The following AMN variants were observed in gnomAD, a reference collection of about 807,000 sequenced individuals.
AMN encodes amnion associated transmembrane protein, also known as protein amnionless.
A neutral mutation model predicts 49.1 loss-of-function variants in AMN; 40 were observed. The observed-to-expected ratio is 0.81, with a 90% CI of 0.63 to 1.06. The LOEUF (loss-of-function observed/expected upper bound fraction) is 1.06. Ranked by LOEUF, AMN falls within the 50% of genes least tolerant of loss-of-function variation. The pLI is 0.00. For synonymous variants in AMN, 380 were observed against 313.3 expected (o/e 1.21, Z -2.25); for missense variants, 701 against 662.8 (o/e 1.06, Z -0.63).
At chr14:102,923,606 C>G in intron 1 of AMN, 105 bp from the exon 2 acceptor site, 1 of 1,072,908 alleles carries the variant, frequency 9.3e-7, no homozygotes, top group South Asian at 1.3e-5. Flanking sequence ...CCTATGCGTC[C>G]CGGGTGATCC....
intron 4 of AMN, 88 bp from the exon 5 acceptor site, chr14:102,928,670 G>T: frequency 6.6e-7 from 1 of 1,524,664 alleles, no homozygotes; most frequent in Non-Finnish European, 8.8e-7. Flanking sequence ...GGCTTGGGAG[G>T]TCGTGCTCAG....
chr14:102,926,987 G>A (rs899072588), intron 3 of AMN, among the ~76,000 whole-genome samples: 1 of 152,094 alleles, frequency 6.6e-6, no homozygotes, highest in African/African-American at 2.4e-5. Flanking sequence ...GACCTCCCTG[G>A]GCGCAAACAA....
chr14:102,925,798 A>C (rs1355989240), intron 3 of AMN, among the ~76,000 whole-genome samples: 1 of 152,184 alleles, frequency 6.6e-6, no homozygotes, highest in Non-Finnish European at 1.5e-5. Context: ...CCAGGGTCCC[A>C]GCCTGCAGAG....
Position 102,930,433 on chromosome 14 carries a change from G to C in AMN, c.1197G>C (p.Pro399=), listed in dbSNP as rs1016598695. The C allele has an allele frequency of 5.9e-6, 9 of 1,523,046 alleles. No individual in the cohort carries two copies. In the African/African-American group the frequency reaches 1.1e-4, roughly 19 times the overall value. 94.3% of individuals were successfully genotyped at this position (1,523,046 alleles called of 1,614,324 possible). The change falls in exon 11 of 12, where the codon CCG becomes CCC. Residue 399 remains proline, a synonymous_variant. Transcript: ENST00000299155. ...LRWRRHEAAA[P]AGAPLGFRNP... is the part of the protein sequence containing the mutation. ...GGAGGAGGCACGAGGCGGCGGCCCC[G>C]GCTGGAGCGCCCCTCGGCTTCCGCA...
At chr14:102,929,360 C>A in intron 6 of AMN, 68 bp from the exon 7 acceptor site, 1 of 1,511,300 alleles carries the variant, frequency 6.6e-7, no homozygotes, top group South Asian at 1.2e-5. Flanking sequence ...GCTTGCTTCT[C>A]GGAGGCATCG....
At chr14:102,923,299 G>T in intron 1 of AMN, 1 of 300,922 alleles carries the variant, frequency 3.3e-6, no homozygotes, top group Non-Finnish European at 6.4e-6. Flanking sequence ...GCTCTTCCCG[G>T]CCCAGGTAGG....
At chr14:102,924,524 C>T (rs557533905) in intron 3 of AMN, among the ~76,000 whole-genome samples, 1 of 152,296 alleles carries the variant, frequency 6.6e-6, no homozygotes, top group Non-Finnish European at 1.5e-5. Context: ...CCTTAAGTGG[C>T]TGACATCTGA....
chr14:102,930,706 GGC>G lies in AMN; in HGVS notation c.*27_*28del, dbSNP rs1302947034. On this transcript the variant is annotated 3_prime_UTR_variant, in exon 12 of 12. Coordinates refer to ENST00000299155, the MANE Select transcript of AMN (RefSeq NM_030943.4). ...GCGGCCGCCTGACCGTCGACCTTGG[GGC>G]TCTCCACCCGCTCTGGCCCCAGTCG... The G allele has an allele frequency of 1.3e-6, 2 of 1,558,082 alleles. No homozygotes were observed. The highest frequency in any genetic ancestry group is 3.8e-5 in the Admixed American group (2 of 52,468).
rs2139310796 is a variant in AMN at position 102,929,483 on chromosome 14, A to T, written c.707A>T (p.Gln236Leu). Residue 236 changes from glutamine (Q) to leucine (L), a missense_variant, in exon 7 of 12, where the codon CAG (glutamine) becomes CTG (leucine). Coordinates refer to ENST00000299155, the MANE Select transcript of AMN (RefSeq NM_030943.4). The stretch of plus-strand genomic sequence containing the variant: ...CAGCCCCTGGGCGGCCGCTGCCCCC[A>T]GGCCGCCTGCCACAGCGCCCTCCGG... ...LLQPLGGRCP[Q>L]AACHSALRPQ... is the part of the protein sequence containing the mutation. 1 of 1,531,924 alleles carries T rather than the reference A, an allele frequency of 6.5e-7. No individual in the cohort carries two copies. The highest frequency in any genetic ancestry group is 8.7e-7 in the Non-Finnish European group (1 of 1,145,288). 94.9% of individuals were successfully genotyped at this position (1,531,924 alleles called of 1,614,324 possible).
At position 102,930,298 on chromosome 14, in the gene AMN, G is replaced by A; in HGVS notation, c.1140G>A (p.Pro380=). The stretch of plus-strand genomic sequence containing the variant: ...CGCTGCTGGTCCTGCTGGTGGCGCC[G>A]CCGCTGCTGCGCCGCGCGGGGAGGC... ...LLALLVLLVA[P]PLLRRAGRLR... Residue 380 remains proline, a synonymous_variant, in exon 10 of 12, where the codon CCG becomes CCA. Transcript: ENST00000299155. The A allele has an allele frequency of 4.4e-6, 6 of 1,368,876 alleles. No individual in the cohort carries two copies. In the African/African-American group the frequency reaches 6.1e-5, roughly 14 times the overall value. The allele number at this position is 1,368,876 out of a possible 1,614,324, so 84.8% of individuals were successfully genotyped here.
Position 102,928,976 on chromosome 14 carries a change from G to T in AMN, c.513+1G>T. On this transcript the variant is annotated splice_donor_variant, in intron 5 of 11. Transcript: ENST00000299155. LOFTEE classifies it high-confidence loss of function. Reference sequence around the variant, plus strand: ...CCGCAGCATCTCGGCTCTGGGCCGGGTGAGCACTGAGGGGAGGGAGGCTCG... The same window carrying T: ...CCGCAGCATCTCGGCTCTGGGCCGGTTGAGCACTGAGGGGAGGGAGGCTCG... 1 of 1,598,350 alleles carries T rather than the reference G, an allele frequency of 6.3e-7. No homozygotes were observed. Among genetic ancestry groups the T allele is most frequent in the Non-Finnish European group, 8.5e-7 (1 of 1,179,396 alleles).
intron 3 of AMN, 142 bp from the exon 4 acceptor site, chr14:102,928,284 C>T (rs1891232282): frequency 1.1e-5 from 8 of 702,500 alleles, no homozygotes; most frequent in South Asian, 1.1e-4. Context: ...CTCAGCCAGG[C>T]CGAGGACCCC....
At chr14:102,924,142 G>T (rs1210532565) in intron 3 of AMN, among the ~76,000 whole-genome samples, 163 bp downstream of exon 3, 1 of 152,146 alleles carries the variant, frequency 6.6e-6, no homozygotes. Flanking sequence ...GAGTGGGGGG[G>T]AACCTAGGGG....
intron 3 of AMN, among the ~76,000 whole-genome samples, chr14:102,927,791 AC>A (rs944609781): frequency 6.6e-6 from 1 of 151,398 alleles, no homozygotes; most frequent in African/African-American, 2.4e-5. Context: ...GGCCAGTCAG[AC>A]CCCCCGTATT....
At chr14:102,930,132 G>A in intron 9 of AMN, 33 bp from the exon 10 acceptor site, 1 of 1,501,442 alleles carries the variant, frequency 6.7e-7, no homozygotes, top group Admixed American at 2.2e-5. Context: ...TCGCCCCGCC[G>A]CGGGGAAGAC....
At chr14:102,924,593 C>A (rs1015208336) in intron 3 of AMN, among the ~76,000 whole-genome samples, 1 of 152,186 alleles carries the variant, frequency 6.6e-6, no homozygotes, top group Admixed American at 6.5e-5. Flanking sequence ...GAAGAACTGT[C>A]TTCCACAAAA....
In AMN at chr14:102,922,699, T is replaced by C; in HGVS notation, c.11T>C (p.Leu4Pro). The C allele has an allele frequency of 6.3e-7, 1 of 1,598,888 alleles. No homozygotes were observed. The highest frequency in any genetic ancestry group is 1.1e-5 in the South Asian group (1 of 88,556). The change falls in exon 1 of 12, where the codon CTG (leucine) becomes CCG (proline). Residue 4 changes from leucine to proline, a missense_variant. Physicochemically the swap from Leu to Pro is moderately conservative, Grantham distance 98 (BLOSUM62 -3). Transcript: ENST00000299155. Reference protein sequence around the residue: MGVLGRVLLWLQLC... With the variant: MGVPGRVLLWLQLC... The stretch of plus-strand genomic sequence containing the variant: ...AGGAGCCGAGGCGAGATGGGCGTCC[T>C]GGGCCGGGTCCTGCTGTGGCTGCAG...
chr14:102,923,360 G>GC (rs1248164892), intron 1 of AMN: 1 of 376,608 alleles, frequency 2.7e-6, no homozygotes, highest in African/African-American at 2.1e-5. Context: ...GGTCTGTGCT[G>GC]CCCCATCCTC....
intron 1 of AMN, 132 bp downstream of exon 1, chr14:102,922,863 C>CG: frequency 7.8e-7 from 1 of 1,279,552 alleles, no homozygotes; most frequent in South Asian, 1.4e-5. Context: ...GGGTTGGGGG[C>CG]GTGAAACTCG....
Sources: gnomAD v4.1 joint callset for allele counts (sites outside exome capture counted in the v4.1 genomes callset) on GRCh38, gnomAD v4.1.1 for gene constraint, MANE v1.5 for transcripts, NCBI Gene and HGNC (gene_info 2026-07-23, HGNC 2026-07-21) for gene names.